Variants in MAP3K7CL observed in about 807,000 individuals in gnomAD.
The protein encoded by MAP3K7CL is MAP3K7 C-terminal-like protein.
A neutral mutation model predicts 18.6 loss-of-function variants in MAP3K7CL; 16 were observed. That is an observed-to-expected ratio of 0.86 (90% CI 0.58 to 1.31). MAP3K7CL has a LOEUF of 1.31. Among genes scored for constraint, MAP3K7CL ranks in the 50% most tolerant of loss-of-function variants. The pLI, the probability that MAP3K7CL is intolerant of heterozygous loss-of-function variation, is 0.00. For missense variants in MAP3K7CL, 163 were observed against 174.4 expected, an observed-to-expected ratio of 0.93 and a Z score of 0.37; for synonymous variants, 65 against 66.8, an observed-to-expected ratio of 0.97 and a Z score of 0.13.
At chr21:29,087,151 A>T (rs918343327) in intron 1 of MAP3K7CL, among the ~76,000 whole-genome samples, 15 of 151,680 alleles carry the variant, frequency 9.9e-5, no homozygotes, top group African/African-American at 3.6e-4. Context: ...TTCTGCCTGG[A>T]CCTCTCTTCT....
rs140780164 is a variant in MAP3K7CL at position 29,149,208 on chromosome 21, C to T, written c.90C>T (p.Asp30=). ...NDASDDTPPE[D]SIPLVFPELD... ...TTTTAGATGATACACCCCCTGAAGA[C>T]TCCATTCCTTTGGTCTTTCCAGAAT... Residue 30 remains aspartate, a synonymous_variant, in exon 3 of 5, where the codon GAC becomes GAT. Transcript: ENST00000399928. 6.8e-6 allele frequency: 11 copies of T among 1,613,980 alleles called. 1 individual carries two copies. The South Asian group carries it at 9.9e-5, about 14-fold the overall frequency.
intron 4 of MAP3K7CL, among the ~76,000 whole-genome samples, chr21:29,120,618 C>A (rs892323102): frequency 4.6e-5 from 7 of 152,210 alleles, no homozygotes; most frequent in Admixed American, 1.3e-4. Context: ...TCGACATATT[C>A]TACTCATGAA....
chr21:29,134,395 CA>C (rs1427154538), intron 2 of MAP3K7CL, among the ~76,000 whole-genome samples: 1 of 152,080 alleles, frequency 6.6e-6, no homozygotes, highest in Non-Finnish European at 1.5e-5. Context: ...AGAATCATTC[CA>C]AAATAATGCA....
intron 2 of MAP3K7CL, among the ~76,000 whole-genome samples, chr21:29,142,311 C>T (rs2087027373): frequency 6.6e-6 from 1 of 152,202 alleles, no homozygotes; most frequent in Non-Finnish European, 1.5e-5. Context: ...AAGCAATCCT[C>T]TCACCTCAGC....
intron 2 of MAP3K7CL, among the ~76,000 whole-genome samples, chr21:29,137,111 A>G (rs1431391324): frequency 1.3e-5 from 2 of 152,226 alleles, no homozygotes; most frequent in African/African-American, 4.8e-5. Context: ...TAAGCATTCA[A>G]CTTACCCCTG....
At chr21:29,105,957 T>C (rs923643779) in intron 4 of MAP3K7CL, among the ~76,000 whole-genome samples, 4 of 152,202 alleles carry the variant, frequency 2.6e-5, no homozygotes, top group Admixed American at 1.3e-4. Context: ...AATTAATCCC[T>C]GGCCAGGTCT....
chr21:29,107,760 T>A (rs190443055), intron 4 of MAP3K7CL, among the ~76,000 whole-genome samples: 77 of 152,340 alleles, frequency 5.1e-4, no homozygotes, highest in Admixed American at 1.6e-3. Context: ...CTGGACTTCT[T>A]GTTATGTGAG....
In MAP3K7CL at chr21:29,160,042, G is replaced by C. The variant is rs2087507310; in HGVS notation, c.234G>C (p.Leu78=). 6.2e-7 allele frequency: 1 copy of C among 1,613,736 alleles called. No individual in the cohort carries two copies. The highest frequency in any genetic ancestry group is 1.7e-5 in the Admixed American group (1 of 59,990). Residue 78 remains leucine, a synonymous_variant, in exon 4 of 5, where the codon CTG becomes CTC. Coordinates refer to ENST00000399928, the MANE Select transcript of MAP3K7CL (RefSeq NM_001286620.2). ...ATGAGGTCAAAAAGGAAATCACCCT[G>C]CTTGAGCAAAGGAAGTAAGTACCTA... The part of the protein sequence containing the change: ...EYHEVKKEIT[L]LEQRKKELIA...
At chr21:29,098,190 C>T (rs1242396627) in intron 4 of MAP3K7CL, among the ~76,000 whole-genome samples, 1 of 152,160 alleles carries the variant, frequency 6.6e-6, no homozygotes, top group Non-Finnish European at 1.5e-5. Context: ...ACAGCACCAG[C>T]AAGTCAGTTC....
intron 4 of MAP3K7CL, among the ~76,000 whole-genome samples, chr21:29,117,504 A>G (rs1364982000): frequency 6.6e-6 from 1 of 152,256 alleles, no homozygotes; most frequent in East Asian, 1.9e-4. Flanking sequence ...TGTATTGGAC[A>G]ACTCCTGTGA....
intron 4 of MAP3K7CL, among the ~76,000 whole-genome samples, chr21:29,165,776 T>G (rs1376833737): frequency 6.6e-6 from 1 of 152,186 alleles, no homozygotes; most frequent in Non-Finnish European, 1.5e-5. Context: ...TTCACCATGT[T>G]GGCCAGGCTG....
intron 4 of MAP3K7CL, among the ~76,000 whole-genome samples, chr21:29,162,180 T>C (rs1462362748): frequency 6.6e-6 from 1 of 152,162 alleles, no homozygotes; most frequent in Non-Finnish European, 1.5e-5. Flanking sequence ...CCTGTAAATG[T>C]ATCTTCTGGT....
chr21:29,102,815 G>A (rs372882600), intron 4 of MAP3K7CL, among the ~76,000 whole-genome samples: 1 of 152,124 alleles, frequency 6.6e-6, no homozygotes, highest in Non-Finnish European at 1.5e-5. Flanking sequence ...GGACTCTGGG[G>A]GAAGCTGCCA....
At chr21:29,147,847 T>C (rs1403766292) in intron 2 of MAP3K7CL, among the ~76,000 whole-genome samples, 2 of 151,812 alleles carry the variant, frequency 1.3e-5, no homozygotes, top group Admixed American at 6.6e-5. Flanking sequence ...TGTATATATC[T>C]GTACTGTATA....
chr21:29,170,890 C>T (rs887795968), intron 4 of MAP3K7CL, among the ~76,000 whole-genome samples: 3 of 151,372 alleles, frequency 2.0e-5, no homozygotes, highest in Non-Finnish European at 2.9e-5. Flanking sequence ...CTGCCCGCCT[C>T]GGCCTCTCAA....
chr21:29,083,165 C>T (rs2085865219), upstream of MAP3K7CL, among the ~76,000 whole-genome samples: 1 of 152,140 alleles, frequency 6.6e-6, no homozygotes, highest in Non-Finnish European at 1.5e-5. Context: ...TTTTCTTGGC[C>T]TTACTCTATT....
rs182608002 is a variant in MAP3K7CL, at chr21:29,130,884, G to A, written c.-79G>A. The A allele has an allele frequency of 2.0e-3, 1,971 of 985,530 alleles. 10 individuals carry two copies. Among genetic ancestry groups the A allele is most frequent in the Non-Finnish European group, 2.1e-3 (1,722 of 830,002 alleles). 61.0% of individuals were successfully genotyped at this position (985,530 alleles called of 1,614,324 possible). The stretch of plus-strand genomic sequence containing the variant: ...GCAACGACTGGCCAAGGCAGTGGCT[G>A]GCTCTGGGTTACACAAGTGCAGACA... On this transcript the variant is annotated 5_prime_UTR_variant, in exon 1 of 5. An upstream open reading frame in the 5' UTR gains an earlier in-frame stop. Coordinates refer to ENST00000399928, the MANE Select transcript of MAP3K7CL (RefSeq NM_001286620.2).
chr21:29,084,503 C>G (rs2085891135), upstream of MAP3K7CL, among the ~76,000 whole-genome samples: 1 of 152,168 alleles, frequency 6.6e-6, no homozygotes. Flanking sequence ...TTGCCCTGTT[C>G]TTAATGTTTT....
At chr21:29,168,069 A>T (rs1454872199) in intron 4 of MAP3K7CL, among the ~76,000 whole-genome samples, 1 of 152,192 alleles carries the variant, frequency 6.6e-6, no homozygotes, top group Non-Finnish European at 1.5e-5. Context: ...AGGATTCCAC[A>T]GCAGGGTAAC....
Sources: allele counts gnomAD v4.1 joint callset (sites outside exome capture counted in the v4.1 genomes callset), GRCh38; gene constraint gnomAD v4.1.1; transcripts MANE v1.5; gene names NCBI Gene and HGNC (gene_info 2026-07-23, HGNC 2026-07-21).